The following RBAK variants were observed in gnomAD, a reference collection of about 807,000 sequenced individuals.
The protein encoded by RBAK is RB associated KRAB zinc finger.
Under a neutral mutation model 65.8 loss-of-function variants are expected in RBAK, and 39 were observed. The ratio of observed to expected loss-of-function variants is 0.59; its 90% CI spans 0.46 to 0.77. RBAK has a LOEUF of 0.77. Ranked by LOEUF, RBAK falls within the 30% of genes least tolerant of loss-of-function variation. RBAK has a pLI of 0.00. For missense variants in RBAK, 884 were observed against 855.1 expected (o/e 1.03, Z -0.42); for synonymous variants, 343 against 289.7 (o/e 1.18, Z -1.87).
chr7:5,053,574 C>A (rs769345739), intron 2 of RBAK, among the ~76,000 whole-genome samples: 2 of 152,128 alleles, frequency 1.3e-5, no homozygotes, highest in African/African-American at 2.4e-5. Flanking sequence ...CCACCACCTC[C>A]CCTCCATTGA....
chr7:5,058,801 C>T (rs1583458837), intron 4 of RBAK, among the ~76,000 whole-genome samples: 1 of 152,180 alleles, frequency 6.6e-6, no homozygotes, highest in Non-Finnish European at 1.5e-5. Context: ...GACTGTCCCC[C>T]TAGGACCTGT....
chr7:5,051,002 C>T (rs556265102), intron 2 of RBAK, among the ~76,000 whole-genome samples: 16 of 152,154 alleles, frequency 1.1e-4, no homozygotes, highest in African/African-American at 2.7e-4. Context: ...ATTATGAGCT[C>T]GTGGGTTTAA....
intron 3 of RBAK, 129 bp downstream of exon 3, chr7:5,057,550 G>A (rs1293037871): frequency 6.3e-7 from 1 of 1,591,812 alleles, no homozygotes; most frequent in Admixed American, 1.7e-5. Context: ...ATTATTCATT[G>A]AAAGGTTCTA....
Position 5,057,771 on chromosome 7 carries a change from A to G in RBAK, c.230A>G (p.His77Arg). 2 of 1,613,928 alleles carry G rather than the reference A, an allele frequency of 1.2e-6. No homozygotes were observed. The highest frequency in any genetic ancestry group is 1.7e-5 in the Admixed American group (1 of 60,016). ...WIMGGEFPCQ[H>R]SPEAWRVDDL... ...ATGGGAGGTGAATTTCCATGTCAAC[A>G]TAGTCCAGGTAAGTTAGTAGCGTAT... The change falls in exon 4 of 5, where the codon CAT (histidine) becomes CGT (arginine). Residue 77 changes from histidine (H) to arginine (R), a missense_variant. Physicochemically the swap from His to Arg is conservative, Grantham distance 29. Transcript: ENST00000396912.
Position 5,065,186 on chromosome 7 carries a change from C to G in RBAK, c.1730C>G (p.Ser577Cys). ...TGTAGCGAATGTGGGAAAACCTTTT[C>G]CCATAATTCATCCCTCTTCAGACAT... ...YGCSECGKTF[S>C]HNSSLFRHQR... The change falls in exon 5 of 5, where the codon TCC becomes TGC. Residue 577 changes from serine (S) to cysteine (C), a missense_variant. Physicochemically the swap from Ser to Cys is moderately radical, Grantham distance 112. Coordinates refer to ENST00000396912, the MANE Select transcript of RBAK (RefSeq NM_021163.4). The surrounding 1 kb of genome is among the most constrained non-coding windows in gnomAD (Gnocchi z 5.3). The G allele has an allele frequency of 6.2e-7, 1 of 1,613,426 alleles. No individual in the cohort carries two copies. Among genetic ancestry groups the G allele is most frequent in the Non-Finnish European group, 8.5e-7 (1 of 1,179,788 alleles).
intron 2 of RBAK, among the ~76,000 whole-genome samples, chr7:5,050,391 A>G (rs865877046): frequency 7.9e-5 from 12 of 152,096 alleles, no homozygotes; most frequent in African/African-American, 1.2e-4. Flanking sequence ...TTTATGTTCA[A>G]TTCTTTTCAC....
chr7:5,054,683 C>T (rs1199011869), intron 2 of RBAK, among the ~76,000 whole-genome samples: 1 of 150,590 alleles, frequency 6.6e-6, no homozygotes, highest in African/African-American at 2.5e-5. Flanking sequence ...GTCCTTCTGC[C>T]TCAGTTTCCT....
intron 2 of RBAK, among the ~76,000 whole-genome samples, chr7:5,052,484 C>G (rs111272984): frequency 0.038 from 5,815 of 152,000 alleles, 414 homozygotes; most frequent in African/African-American, 0.13. Flanking sequence ...TTTTATGATT[C>G]TACTTTATAT....
At chr7:5,052,541 G>A (rs1788138644) in intron 2 of RBAK, among the ~76,000 whole-genome samples, 1 of 152,100 alleles carries the variant, frequency 6.6e-6, no homozygotes, top group African/African-American at 2.4e-5. Flanking sequence ...ATTTTAGTGA[G>A]TTAGAATTTA....
rs1007747910 is a variant in RBAK at position 5,068,247 on chromosome 7, C to T, written c.*2646C>T. The T allele has an allele frequency of 6.6e-6, 1 of 152,024 alleles. No individual in the cohort carries two copies. The highest frequency in any genetic ancestry group is 2.4e-5 in the African/African-American group (1 of 41,374). The allele number at this position is 152,024 out of a possible 1,614,324, so 9.4% of individuals were successfully genotyped here. On this transcript the variant is annotated 3_prime_UTR_variant, in exon 5 of 5. Transcript: ENST00000396912. ...CTATTGTGTGAAAGCATCCATACAC[C>T]ATGCATTAAAAAAAAAATGAGCATG...
intron 2 of RBAK, among the ~76,000 whole-genome samples, chr7:5,054,088 C>T (rs1245465657): frequency 2.0e-5 from 3 of 152,170 alleles, no homozygotes; most frequent in African/African-American, 7.2e-5. Context: ...GATAACTCTA[C>T]TGCCTGATAA....
At position 5,064,916 on chromosome 7, in the gene RBAK, G is replaced by A. The variant is rs753362715; in HGVS notation, c.1460G>A (p.Cys487Tyr). 1.9e-6 allele frequency: 3 copies of A among 1,614,024 alleles called. No individual in the cohort carries two copies. In the Admixed American group the frequency reaches 5.0e-5, roughly 27 times the overall value. Residue 487 changes from cysteine to tyrosine, a missense_variant, in exon 5 of 5, where the codon TGT becomes TAT. Physicochemically the swap from Cys to Tyr is radical, Grantham distance 194. Coordinates refer to ENST00000396912, the MANE Select transcript of RBAK (RefSeq NM_021163.4). The surrounding 1 kb of genome is among the most constrained non-coding windows in gnomAD (Gnocchi z 6.3). ...CACACAGAAGAGAAATCCCATGAATGTAGTGAATGTGGAAAGTTCTCTCAG... is the reference window on the plus strand; with the variant it reads ...CACACAGAAGAGAAATCCCATGAATATAGTGAATGTGGAAAGTTCTCTCAG... ...KVHTEEKSHE[C>Y]SECGKFSQLY...
chr7:5,064,025 A>G lies in RBAK; in HGVS notation c.569A>G (p.Asn190Ser), dbSNP rs572193216. 2 of 1,613,196 alleles carry G rather than the reference A, an allele frequency of 1.2e-6. No homozygotes were observed. The highest frequency in any genetic ancestry group is 1.7e-6 in the Non-Finnish European group (2 of 1,179,662). Residue 190 changes from asparagine to serine, a missense_variant, in exon 5 of 5, where the codon AAT (asparagine) becomes AGT (serine). Transcript: ENST00000396912. This position sits in a 1 kb window ranked among gnomAD's most constrained non-coding sequence, Gnocchi z 6.3. ...FNQNGDTYSH[N>S]EENILQKISI... The stretch of plus-strand genomic sequence containing the variant: ...CAAAATGGGGATACCTATTCTCACA[A>G]TGAAGAAAATATTCTTCAGAAAATT...
chr7:5,048,319 T>G lies in RBAK; in HGVS notation c.15+228T>G, dbSNP rs1788040589. Among the ~76,000 whole-genome samples the G allele has an allele frequency of 2.0e-5, 3 of 152,098 alleles. No individual in the cohort carries two copies. The highest frequency in any genetic ancestry group is 4.4e-5 in the Non-Finnish European group (3 of 68,016). The stretch of plus-strand genomic sequence containing the variant: ...TCCCGAGTAGCTGGGATTACAGGCG[T>G]GCGCCACCATGCCCAACTAATTTTT... On this transcript the variant is annotated intron_variant, in intron 2 of 4. Transcript: ENST00000396912. This position sits in a 1 kb window ranked among gnomAD's most constrained non-coding sequence, Gnocchi z 4.4.
At position 5,063,996 on chromosome 7, in the gene RBAK, T is replaced by A. The variant is rs1217311250; in HGVS notation, c.540T>A (p.Phe180Leu). ...KTYHGEKMCE[F>L]NQNGDTYSHN... is the part of the protein sequence containing the mutation. ...ATCATGGAGAGAAAATGTGTGAATT[T>A]AATCAAAATGGGGATACCTATTCTC... Residue 180 changes from phenylalanine to leucine, a missense_variant, in exon 5 of 5, where the codon TTT becomes TTA. Transcript: ENST00000396912. 6.2e-7 allele frequency: 1 copy of A among 1,613,782 alleles called. No individual in the cohort carries two copies. Among genetic ancestry groups the A allele is most frequent in the African/African-American group, 1.3e-5 (1 of 74,918 alleles).
chr7:5,063,635 A>G, intron 4 of RBAK, 60 bp from the exon 5 acceptor site: 1 of 1,348,866 alleles, frequency 7.4e-7, no homozygotes, highest in Non-Finnish European at 9.9e-7. Context: ...GAATACCAGT[A>G]CCTTTCCATA....
rs1420361553 is a variant in RBAK at position 5,045,880 on chromosome 7, G to A, written c.-561G>A. 5.8e-6 allele frequency: 2 copies of A among 343,814 alleles called. No individual in the cohort carries two copies. Among genetic ancestry groups the A allele is most frequent in the Admixed American group, 4.5e-5 (1 of 22,206 alleles). 21.3% of individuals were successfully genotyped at this position (343,814 alleles called of 1,614,324 possible). A position where few individuals can be genotyped will look rare whatever the true frequency, so the allele number is the denominator to read the frequency against. On this transcript the variant is annotated 5_prime_UTR_variant, in exon 1 of 5. Coordinates refer to ENST00000396912, the MANE Select transcript of RBAK (RefSeq NM_021163.4). ...GCTGCACTGCCCTCGCTTCCTGTGC[G>A]TCCTCAGGTCACCGCTTGCTCTAGT... is the stretch of plus-strand genomic sequence containing the variant.
chr7:5,059,097 C>G lies in RBAK; in HGVS notation c.238+1318C>G, dbSNP rs187239892. The stretch of plus-strand genomic sequence containing the variant: ...CAGTATTTGATTGTGCTAGTCTTGT[C>G]TCCATGGTTTGTGTTCTTTGTCTTC... On this transcript the variant is annotated intron_variant, in intron 4 of 4. Coordinates refer to ENST00000396912, the MANE Select transcript of RBAK (RefSeq NM_021163.4). 5.9e-5 allele frequency among the ~76,000 whole-genome samples: 9 copies of G among 152,294 alleles called. No individual in the cohort carries two copies. In the East Asian group the frequency reaches 1.5e-3, roughly 26 times the overall value.
At position 5,056,268 on chromosome 7, in the gene RBAK, C is replaced by T. The variant is rs139092783; in HGVS notation, c.16-1027C>T. ...AACTACAGGCGTGTGCCATGATGCCCAGCCAATTTTTTTTTTTTAATTTAT... is the reference window on the plus strand; with the variant it reads ...AACTACAGGCGTGTGCCATGATGCCTAGCCAATTTTTTTTTTTTAATTTAT... On this transcript the variant is annotated intron_variant, in intron 2 of 4. Coordinates refer to ENST00000396912, the MANE Select transcript of RBAK (RefSeq NM_021163.4). Among the ~76,000 whole-genome samples the T allele has an allele frequency of 6.3e-3, 957 of 151,906 alleles. 10 individuals carry two copies. The highest frequency in any genetic ancestry group is 7.3e-3 in the Non-Finnish European group (499 of 67,950).
Sources: gnomAD v4.1 joint callset for allele counts (sites outside exome capture counted in the v4.1 genomes callset) on GRCh38, gnomAD v4.1.1 for gene constraint, Gnocchi (gnomAD v3.1) non-coding constraint, MANE v1.5 for transcripts, NCBI Gene and HGNC (gene_info 2026-07-23, HGNC 2026-07-21) for gene names.